The following VAPB variants were observed in gnomAD, a reference collection of about 807,000 sequenced individuals.
The protein encoded by VAPB is VAMP associated protein B and C.
In VAPB, 7 loss-of-function variants were observed where a neutral mutation model predicts 25.6. The observed-to-expected ratio is 0.27, with a 90% CI of 0.16 to 0.51. The LOEUF is 0.51. VAPB is among the 20% of genes least tolerant of loss of function. The pLI is 0.97. For missense variants in VAPB, 266 were observed against 301.3 expected (o/e 0.88, Z 0.87); for synonymous variants, 112 against 109.2 (o/e 1.03, Z -0.16).
rs1358187087 is a variant in VAPB at position 58,445,583 on chromosome 20, T to G, written c.*1348T>G. On this transcript the variant is annotated 3_prime_UTR_variant, in exon 6 of 6. Coordinates refer to ENST00000475243, the MANE Select transcript of VAPB (RefSeq NM_004738.5). Reference sequence around the variant, plus strand: ...TTGTCATTTTGTCACATTTGCTCTATGGGGGGAATTATTATTTTATCATTT... The same window carrying G: ...TTGTCATTTTGTCACATTTGCTCTAGGGGGGGAATTATTATTTTATCATTT... 1 of 454,264 alleles carries G rather than the reference T, an allele frequency of 2.2e-6. No individual in the cohort carries two copies. Among genetic ancestry groups the G allele is most frequent in the Non-Finnish European group, 4.4e-6 (1 of 226,766 alleles). 28.1% of individuals were successfully genotyped at this position (454,264 alleles called of 1,614,324 possible).
At chr20:58,437,093 C>T (rs1190348591) in intron 3 of VAPB, among the ~76,000 whole-genome samples, 1 of 136,842 alleles carries the variant, frequency 7.3e-6, no homozygotes, top group African/African-American at 2.8e-5. Flanking sequence ...CTCAGCTGTT[C>T]GAGTAACTAA....
chr20:58,417,163 G>T (rs1654859602), intron 1 of VAPB, among the ~76,000 whole-genome samples: 1 of 152,170 alleles, frequency 6.6e-6, no homozygotes. Flanking sequence ...AATTTGAAAA[G>T]GTGTTGAAAA....
In VAPB at chr20:58,440,933, A is replaced by T; in HGVS notation, c.423A>T (p.Ile141=). ...ATGATGTAGAAATAAATAAAATTATATCCACAACTGCATCAAAGACAGAAA... is the reference window on the plus strand; with the variant it reads ...ATGATGTAGAAATAAATAAAATTATTTCCACAACTGCATCAAAGACAGAAA... The part of the protein sequence containing the change: ...KPHDVEINKI[I]STTASKTETP... The change falls in exon 5 of 6, where the codon ATA becomes ATT. Residue 141 remains isoleucine, a synonymous_variant. Transcript: ENST00000475243. The T allele has an allele frequency of 6.2e-7, 1 of 1,613,928 alleles. No homozygotes were observed. The highest frequency in any genetic ancestry group is 8.5e-7 in the Non-Finnish European group (1 of 1,179,906).
intron 1 of VAPB, among the ~76,000 whole-genome samples, chr20:58,417,386 C>T (rs1019093785): frequency 1.3e-5 from 2 of 152,166 alleles, no homozygotes; most frequent in Non-Finnish European, 2.9e-5. Context: ...TTAGTTATCT[C>T]AGGGGACAAA....
At position 58,445,060 on chromosome 20, in the gene VAPB, G is replaced by A. The variant is rs1568722378; in HGVS notation, c.*825G>A. On this transcript the variant is annotated 3_prime_UTR_variant, in exon 6 of 6. Transcript: ENST00000475243. ...TGGTATTGCTGCTGGAGGGCTGTGG[G>A]CTCCTCTGTCTCTGGAGAGTCTGGT... is the stretch of plus-strand genomic sequence containing the variant. 1 of 454,776 alleles carries A rather than the reference G, an allele frequency of 2.2e-6. No homozygotes were observed. The highest frequency in any genetic ancestry group is 4.4e-6 in the Non-Finnish European group (1 of 226,796). The allele number at this position is 454,776 out of a possible 1,614,324, so 28.2% of individuals were successfully genotyped here.
At chr20:58,407,218 A>G (rs1988252750) in intron 1 of VAPB, among the ~76,000 whole-genome samples, 1 of 152,192 alleles carries the variant, frequency 6.6e-6, no homozygotes, top group African/African-American at 2.4e-5. Flanking sequence ...TTATCTTTAG[A>G]TGGTTTCTAG....
rs748187774 is a variant in VAPB, at chr20:58,448,580, A to G, written c.*4345A>G. On this transcript the variant is annotated 3_prime_UTR_variant, in exon 6 of 6. Coordinates refer to ENST00000475243, the MANE Select transcript of VAPB (RefSeq NM_004738.5). ...TCTCTGTAAGGCCTACATTGCTAAGATACCATTTCAGCTCTGAAAATCTGC... is the reference window on the plus strand; with the variant it reads ...TCTCTGTAAGGCCTACATTGCTAAGGTACCATTTCAGCTCTGAAAATCTGC... The G allele has an allele frequency of 2.2e-6, 1 of 454,112 alleles. No homozygotes were observed. The highest frequency in any genetic ancestry group is 1.6e-5 in the South Asian group (1 of 64,474). 28.1% of individuals were successfully genotyped at this position (454,112 alleles called of 1,614,324 possible).
intron 1 of VAPB, among the ~76,000 whole-genome samples, chr20:58,394,226 G>A (rs2123015813): frequency 6.6e-6 from 1 of 152,288 alleles, no homozygotes; most frequent in South Asian, 2.1e-4. Context: ...GATAGTTTAA[G>A]GACGTTGTTT....
At chr20:58,440,660 C>G (rs780537282) in intron 4 of VAPB, 15 of 408,718 alleles carry the variant, frequency 3.7e-5, no homozygotes, top group Admixed American at 2.2e-4. Flanking sequence ...CCCTTTTTCT[C>G]TTTCTTTGAA....
chr20:58,418,337 A>G lies in VAPB; in HGVS notation c.185A>G (p.Asp62Gly). 1.2e-6 allele frequency: 2 copies of G among 1,614,188 alleles called. No homozygotes were observed. Among genetic ancestry groups the G allele is most frequent in the Non-Finnish European group, 1.7e-6 (2 of 1,180,028 alleles). ...GTGAGGCCCAACAGCGGAATCATCG[A>G]TGCAGGGGCCTCAATTAATGTATCT... is the stretch of plus-strand genomic sequence containing the variant. ...YCVRPNSGII[D>G]AGASINVSVM... The change falls in exon 2 of 6, where the codon GAT becomes GGT. Residue 62 changes from aspartate (D) to glycine (G), a missense_variant. This residue lies in a region of VAPB where 98 missense variants were observed against 147.1 expected (regional missense o/e 0.67). Transcript: ENST00000475243.
intron 1 of VAPB, among the ~76,000 whole-genome samples, chr20:58,392,879 A>G (rs12479471): frequency 0.017 from 2,524 of 152,344 alleles, 225 homozygotes; most frequent in Admixed American, 0.15. Flanking sequence ...AGGAAGTACT[A>G]TGCTGCATCA....
At chr20:58,439,615 T>A (rs1399047265) in intron 4 of VAPB, 3 of 157,740 alleles carry the variant, frequency 1.9e-5, no homozygotes, top group Admixed American at 1.8e-4. Context: ...ATACTGGTAG[T>A]ACTTCCCAGT....
rs1169961470 is a variant in VAPB, at chr20:58,449,089, C to T, written c.*4854C>T. The T allele has an allele frequency of 1.5e-5, 7 of 453,982 alleles. No homozygotes were observed. Among genetic ancestry groups the T allele is most frequent in the Admixed American group, 4.7e-5 (2 of 42,552 alleles). 28.1% of individuals were successfully genotyped at this position (453,982 alleles called of 1,614,324 possible). ...CAGCAAAGAGGGCAAGTAATAGAAG[C>T]CCCTGATAAGGAGCGTCAGCCGACA... On this transcript the variant is annotated 3_prime_UTR_variant, in exon 6 of 6. Coordinates refer to ENST00000475243, the MANE Select transcript of VAPB (RefSeq NM_004738.5).
intron 1 of VAPB, among the ~76,000 whole-genome samples, chr20:58,395,588 C>A (rs772557089): frequency 6.6e-6 from 1 of 152,188 alleles, no homozygotes; most frequent in Admixed American, 6.5e-5. Context: ...TTAGTCAAGA[C>A]AAGGTTGCCA....
At chr20:58,403,060 T>C (rs559368967) in intron 1 of VAPB, among the ~76,000 whole-genome samples, 2 of 152,236 alleles carry the variant, frequency 1.3e-5, no homozygotes, top group South Asian at 4.1e-4. Flanking sequence ...AGACTTTCAG[T>C]GGTGAAGAGT....
At chr20:58,408,531 A>G (rs1988288359) in intron 1 of VAPB, among the ~76,000 whole-genome samples, 1 of 152,172 alleles carries the variant, frequency 6.6e-6, no homozygotes, top group African/African-American at 2.4e-5. Flanking sequence ...AAACTTCTCC[A>G]GTGTCCTTAT....
chr20:58,414,579 C>T (rs1988485591), intron 1 of VAPB, among the ~76,000 whole-genome samples: 1 of 151,986 alleles, frequency 6.6e-6, no homozygotes, highest in Non-Finnish European at 1.5e-5. Context: ...CTCCTCACAT[C>T]CCAGACGGGG....
intron 1 of VAPB, among the ~76,000 whole-genome samples, chr20:58,413,976 C>T (rs1988453865): frequency 8.7e-5 from 1 of 11,450 alleles, no homozygotes; most frequent in Admixed American, 4.2e-4. Flanking sequence ...CCCTCCCGGA[C>T]GGGGCAGCTG....
chr20:58,449,015 TG>T lies in VAPB; in HGVS notation c.*4781del. ...TGAGGTTTGAAAACAGCTGAGCTGC[TG>T]ATGTCTCAGGCCTTTCCCTGAATTA... On this transcript the variant is annotated 3_prime_UTR_variant, in exon 6 of 6. Coordinates refer to ENST00000475243, the MANE Select transcript of VAPB (RefSeq NM_004738.5). 1 of 454,154 alleles carries T rather than the reference TG, an allele frequency of 2.2e-6. No individual in the cohort carries two copies. The highest frequency in any genetic ancestry group is 4.4e-6 in the Non-Finnish European group (1 of 226,804). 28.1% of individuals were successfully genotyped at this position (454,154 alleles called of 1,614,324 possible).
Sources: gnomAD v4.1 joint callset for allele counts (sites outside exome capture counted in the v4.1 genomes callset) on GRCh38, gnomAD v4.1.1 for gene constraint, gnomAD v4.1.1 regional missense constraint, MANE v1.5 for transcripts, NCBI Gene and HGNC (gene_info 2026-07-23, HGNC 2026-07-21) for gene names.